Variants in SGCD observed in about 807,000 individuals in gnomAD.
The protein encoded by SGCD is sarcoglycan delta.
A neutral mutation model predicts 36.6 loss-of-function variants in SGCD; 18 were observed. That is an observed-to-expected ratio of 0.49 (90% CI 0.34 to 0.73). The LOEUF (loss-of-function observed/expected upper bound fraction) is 0.73, where lower values mean the gene tolerates loss of function less well. Ranked by LOEUF, SGCD falls within the 30% of genes least tolerant of loss-of-function variation. The pLI is 0.01. For missense variants in SGCD, 387 were observed against 346.7 expected (o/e 1.12, Z -0.92); for synonymous variants, 133 against 130.6 (o/e 1.02, Z -0.12).
At chr5:156,527,760 T>C (rs1244578278) in intron 4 of SGCD, among the ~76,000 whole-genome samples, 1 of 152,240 alleles carries the variant, frequency 6.6e-6, no homozygotes, top group East Asian at 1.9e-4. Flanking sequence ...CTGCTGTGGT[T>C]GACCAGGAGA....
the SGCD span, among the ~76,000 whole-genome samples, chr5:155,826,968 G>T: frequency 6.6e-6 from 1 of 152,158 alleles, no homozygotes; most frequent in Non-Finnish European, 1.5e-5. Context: ...CTGTTGAATT[G>T]GATTCAACCA....
At chr5:156,438,810 G>A (rs887023597) in intron 3 of SGCD, among the ~76,000 whole-genome samples, 3 of 152,076 alleles carry the variant, frequency 2.0e-5, no homozygotes, top group African/African-American at 7.2e-5. Context: ...AATAATAATA[G>A]CTGCAGTAGT....
At chr5:156,118,688 C>T (rs537215562) in intron 2 of SGCD, among the ~76,000 whole-genome samples, 2 of 152,076 alleles carry the variant, frequency 1.3e-5, no homozygotes, top group Non-Finnish European at 2.9e-5. Flanking sequence ...ACATTTTTTC[C>T]AAAGTTCCTT....
At chr5:155,902,513 TAGTA>T (rs1756413112) in intron 1 of SGCD, among the ~76,000 whole-genome samples, 1 of 152,204 alleles carries the variant, frequency 6.6e-6, no homozygotes, top group South Asian at 2.1e-4. Context: ...CAGGGTCATA[TAGTA>T]AGTGATTGAC....
intron 1 of SGCD, among the ~76,000 whole-genome samples, chr5:155,889,412 C>CA (rs1756075614): frequency 6.6e-6 from 1 of 152,012 alleles, no homozygotes; most frequent in Admixed American, 6.6e-5. Flanking sequence ...GGGCTCCACA[C>CA]AAAAGCCTTA....
chr5:156,704,928 C>A (rs1754679717), intron 7 of SGCD, among the ~76,000 whole-genome samples: 1 of 151,490 alleles, frequency 6.6e-6, no homozygotes, highest in Non-Finnish European at 1.5e-5. Context: ...TTCTAAAGTA[C>A]TAACCAACCT....
At chr5:156,615,913 G>T (rs1762003359) in intron 6 of SGCD, among the ~76,000 whole-genome samples, 1 of 152,118 alleles carries the variant, frequency 6.6e-6, no homozygotes, top group African/African-American at 2.4e-5. Context: ...AGATGAGGAG[G>T]GAAGAAAAAT....
chr5:155,977,480 C>T (rs1307900299), intron 1 of SGCD, among the ~76,000 whole-genome samples: 1 of 152,088 alleles, frequency 6.6e-6, no homozygotes, highest in Non-Finnish European at 1.5e-5. Context: ...TAGTGCCTGA[C>T]ATGGAATGGT....
intron 1 of SGCD, among the ~76,000 whole-genome samples, chr5:156,073,700 T>G (rs10475665): frequency 0.018 from 2,815 of 152,324 alleles, 80 homozygotes; most frequent in African/African-American, 0.063. Context: ...CTAAGCCACA[T>G]GTTCTCTACC....
At chr5:156,206,143 T>C (rs1163682126) in intron 3 of SGCD, among the ~76,000 whole-genome samples, 1 of 151,628 alleles carries the variant, frequency 6.6e-6, no homozygotes, top group African/African-American at 2.4e-5. Context: ...ACCTTGGTGT[T>C]TTTACCCAAT....
chr5:155,771,988 A>G, the SGCD span, among the ~76,000 whole-genome samples: 5 of 152,194 alleles, frequency 3.3e-5, no homozygotes, highest in Non-Finnish European at 5.9e-5. Flanking sequence ...TCTCCTGTTT[A>G]TGTTTTGTGA....
At chr5:156,369,436 G>A (rs1410143892) in intron 3 of SGCD, among the ~76,000 whole-genome samples, 3 of 152,216 alleles carry the variant, frequency 2.0e-5, no homozygotes, top group Non-Finnish European at 2.9e-5. Flanking sequence ...TCTTGGATTA[G>A]ATTGGGGTTA....
chr5:156,755,732 G>A (rs1757310588), intron 7 of SGCD, among the ~76,000 whole-genome samples: 1 of 152,300 alleles, frequency 6.6e-6, no homozygotes, highest in East Asian at 1.9e-4. Flanking sequence ...CACACCCAAA[G>A]GGGTGAGACC....
In SGCD at chr5:156,127,734, G is replaced by C. The variant is rs76793451; in HGVS notation, c.-44+3715G>C. On this transcript the variant is annotated intron_variant, in intron 3 of 9. Coordinates refer to the SGCD transcript ENST00000517913. The stretch of plus-strand genomic sequence containing the variant: ...TACTTCAAAAGAAATAGGAAAAATT[G>C]CTTGAACAAATAATACAAAACAGCC... 5.0e-3 allele frequency among the ~76,000 whole-genome samples: 761 copies of C among 151,004 alleles called. 5 individuals are homozygous for C. The highest frequency in any genetic ancestry group is 0.018 in the African/African-American group (734 of 41,212).
rs575645014 is a variant in SGCD at position 155,926,449 on chromosome 5, T to A, written c.-282+56025T>A. Among the ~76,000 whole-genome samples the A allele has an allele frequency of 3.3e-5, 5 of 152,316 alleles. No individual in the cohort carries two copies. The South Asian group carries it at 1.0e-3, about 32-fold the overall frequency. ...CAATGGTAATGAAACTTAATAAGCT[T>A]GTTCAAAGAATTAGAAGAGAGACAT... On this transcript the variant is annotated intron_variant, in intron 1 of 9. Transcript: ENST00000517913.
At chr5:156,432,087 G>T (rs1580984072) in intron 3 of SGCD, among the ~76,000 whole-genome samples, 1 of 152,296 alleles carries the variant, frequency 6.6e-6, no homozygotes, top group African/African-American at 2.4e-5. Context: ...GCCGGTACTG[G>T]GGAATATCTA....
chr5:156,392,875 C>T (rs1771654707), intron 3 of SGCD, among the ~76,000 whole-genome samples: 1 of 152,146 alleles, frequency 6.6e-6, no homozygotes, highest in Non-Finnish European at 1.5e-5. Context: ...TCTCGACATC[C>T]AGCCACCCAT....
chr5:155,969,380 A>AT (rs1757964672), intron 1 of SGCD, among the ~76,000 whole-genome samples: 1 of 152,160 alleles, frequency 6.6e-6, no homozygotes, highest in Non-Finnish European at 1.5e-5. Context: ...GCCTGTAAGA[A>AT]ATCCTACAGA....
intron 7 of SGCD, among the ~76,000 whole-genome samples, chr5:156,667,728 T>G (rs910768823): frequency 6.6e-6 from 1 of 152,218 alleles, no homozygotes; most frequent in African/African-American, 2.4e-5. Flanking sequence ...CTCCTAGTCC[T>G]AATGCCTAGA....
Sources: gnomAD v4.1 joint callset for allele counts (sites outside exome capture counted in the v4.1 genomes callset) on GRCh38, gnomAD v4.1.1 for gene constraint, MANE v1.5 for transcripts, NCBI Gene and HGNC (gene_info 2026-07-23, HGNC 2026-07-21) for gene names.